Variants in BCORL1 observed in about 807,000 individuals in gnomAD.
BCORL1 encodes the protein BCL6 corepressor like 1.
Under a neutral mutation model 87.6 loss-of-function variants are expected in BCORL1, and 7 were observed. The ratio of observed to expected loss-of-function variants is 0.08; its 90% CI spans 0.05 to 0.15. The LOEUF is 0.15. BCORL1 is among the 10% of genes least tolerant of loss of function. The probability of loss-of-function intolerance (pLI) is 1.00; values close to 1 mark genes in which losing one functional copy is unlikely to be tolerated. For missense variants in BCORL1, 1,215 were observed against 1,499.7 expected, an observed-to-expected ratio of 0.81 and a Z score of 3.13; for synonymous variants, 591 against 634.4, an observed-to-expected ratio of 0.93 and a Z score of 1.03.
At chrX:130,017,926 T>A (rs1929559187) in intron 4 of BCORL1, among the ~76,000 whole-genome samples, 1 of 111,915 alleles carries the variant, frequency 8.9e-6, no homozygotes, top group Admixed American at 9.5e-5. Context: ...GTGAGCCACC[T>A]CACCTGGCCA....
chrX:130,053,424 G>A (rs984803533), intron 13 of BCORL1, among the ~76,000 whole-genome samples: 1 of 111,255 alleles, frequency 9.0e-6, no homozygotes, highest in African/African-American at 3.3e-5. Flanking sequence ...AGGACAGGGC[G>A]GGGCCTCTGG....
Position 130,025,158 on chromosome X carries a change from C to T in BCORL1, c.3857C>T (p.Ser1286Phe), listed in dbSNP as rs1448926208. Residue 1286 changes from serine to phenylalanine, a missense_variant, in exon 7 of 14, where the codon TCT (serine) becomes TTT (phenylalanine). Coordinates refer to ENST00000540052, the MANE Select transcript of BCORL1 (RefSeq NM_001379451.1). Reference protein sequence around the residue: ...QYRSHHAQDKSLLSQGRRHLW... With the variant: ...QYRSHHAQDKFLLSQGRRHLW... ...CGCAGCCACCATGCCCAGGACAAGTCTCTGCTGAGCCAGGGCCGAAGGCAC... is the reference window on the plus strand; with the variant it reads ...CGCAGCCACCATGCCCAGGACAAGTTTCTGCTGAGCCAGGGCCGAAGGCAC... 1 of 1,210,302 alleles carries T rather than the reference C, an allele frequency of 8.3e-7. No individual in the cohort carries two copies. Among genetic ancestry groups the T allele is most frequent in the Non-Finnish European group, 1.1e-6 (1 of 895,288 alleles).
chrX:129,999,218 AAAAATCTAGTG>A (rs1372202231), intron 1 of BCORL1, among the ~76,000 whole-genome samples: 1 of 107,787 alleles, frequency 9.3e-6, no homozygotes, highest in Non-Finnish European at 1.9e-5. Flanking sequence ...CCTGAGAGTG[AAAAATCTAGTG>A]TCACTAATAC....
upstream of BCORL1, chrX:129,982,479 G>C (rs1478320704): frequency 1.0e-5 from 1 of 99,113 alleles, no homozygotes; most frequent in African/African-American, 3.7e-5. Flanking sequence ...CCCCACCCGC[G>C]TAGGCCGCAT....
chrX:130,055,761 T>C, intron 13 of BCORL1, 93 bp from the exon 14 acceptor site: 7 of 949,667 alleles, frequency 7.4e-6, no homozygotes, highest in Non-Finnish European at 1.0e-5. Flanking sequence ...TTGATGGTCG[T>C]GCAGCCTTTG....
chrX:129,998,881 G>A (rs1017825610), intron 1 of BCORL1, among the ~76,000 whole-genome samples: 3 of 111,274 alleles, frequency 2.7e-5, no homozygotes, highest in African/African-American at 9.8e-5. Context: ...GATAGGAAGT[G>A]GCGCTCCTGG....
chrX:130,038,290 T>C (rs915391392), intron 10 of BCORL1, among the ~76,000 whole-genome samples: 19 of 111,629 alleles, frequency 1.7e-4, no homozygotes, highest in African/African-American at 5.5e-4. Context: ...CTTAGAGAAA[T>C]TGTACCCATT....
Position 130,015,587 on chromosome X carries a change from C to G in BCORL1, c.2815C>G (p.Pro939Ala). 2 of 1,212,207 alleles carry G rather than the reference C, an allele frequency of 1.6e-6. No homozygotes were observed. The highest frequency in any genetic ancestry group is 2.2e-6 in the Non-Finnish European group (2 of 895,608). The change falls in exon 4 of 14, where the codon CCT (proline) becomes GCT (alanine). Residue 939 changes from proline (P) to alanine (A), a missense_variant. Pro to Ala is a conservative substitution (Grantham distance 27). This residue lies in a region of BCORL1 where 861 missense variants were observed against 1,010.0 expected (regional missense o/e 0.85). Transcript: ENST00000540052. ...TGGGACCCTGGCACTGTCTGTTCAG[C>G]CTAGCGGTGGGGACATTCGAATGAA... ...QTGTLALSVQ[P>A]SGGDIRMNQG... is the part of the protein sequence containing the mutation.
intron 2 of BCORL1, among the ~76,000 whole-genome samples, chrX:130,009,742 A>G (rs1356672419): frequency 9.0e-6 from 1 of 110,799 alleles, no homozygotes; most frequent in Non-Finnish European, 1.9e-5. Flanking sequence ...AAAGCCTTGA[A>G]CATAACAGCT....
chrX:130,019,773 A>G (rs1373811934), intron 4 of BCORL1, among the ~76,000 whole-genome samples: 1 of 112,286 alleles, frequency 8.9e-6, no homozygotes, highest in Non-Finnish European at 1.9e-5. Context: ...GGGGAAAAAC[A>G]GCTCAAGCAA....
intron 6 of BCORL1, 63 bp from the exon 7 acceptor site, chrX:130,024,927 T>G (rs902527318): frequency 1.7e-6 from 2 of 1,168,727 alleles, no homozygotes; most frequent in African/African-American, 3.5e-5. Flanking sequence ...GGGCATTCAC[T>G]TCGACACCAT....
intron 1 of BCORL1, among the ~76,000 whole-genome samples, chrX:129,999,680 T>A (rs5975162): frequency 1.1e-5 from 1 of 88,487 alleles, no homozygotes; most frequent in South Asian, 4.5e-4. Flanking sequence ...CCTCTAATTC[T>A]TTTTCCCCCC....
intron 6 of BCORL1, among the ~76,000 whole-genome samples, chrX:130,024,077 G>T (rs998858163): frequency 1.8e-5 from 2 of 112,382 alleles, no homozygotes; most frequent in Non-Finnish European, 3.8e-5. Context: ...CGAGGAGGAA[G>T]GTGTCAAATC....
At chrX:130,030,978 C>T (rs1412305401) in intron 8 of BCORL1, among the ~76,000 whole-genome samples, 2 of 112,631 alleles carry the variant, frequency 1.8e-5, no homozygotes, top group South Asian at 3.6e-4. Context: ...GGGCGGGGAA[C>T]GCTCCTGCAA....
chrX:129,991,618 A>G (rs1191358743), intron 1 of BCORL1, among the ~76,000 whole-genome samples: 1 of 104,490 alleles, frequency 9.6e-6, no homozygotes, highest in Non-Finnish European at 1.9e-5. Flanking sequence ...CTGGGATTAC[A>G]GGTGTGAGCC....
intron 3 of BCORL1, 123 bp from the exon 4 acceptor site, chrX:130,012,827 G>T: frequency 9.2e-7 from 1 of 1,082,652 alleles, no homozygotes; most frequent in Non-Finnish European, 1.2e-6. Flanking sequence ...GCTGCCCTCT[G>T]CGTCTTCCGA....
chrX:130,049,492 G>T (rs978195383), intron 11 of BCORL1, among the ~76,000 whole-genome samples: 1 of 112,063 alleles, frequency 8.9e-6, no homozygotes, highest in Non-Finnish European at 1.9e-5. Context: ...GAGTAGCTGG[G>T]ACTACAGGCG....
chrX:130,004,535 G>A (rs933275605), intron 1 of BCORL1, among the ~76,000 whole-genome samples: 2 of 111,791 alleles, frequency 1.8e-5, no homozygotes, highest in East Asian at 2.8e-4. Flanking sequence ...GTGAGCCACC[G>A]CGCCCTGCCG....
At chrX:130,029,649 T>TTC (rs752429247) in intron 8 of BCORL1, among the ~76,000 whole-genome samples, 14 of 105,696 alleles carry the variant, frequency 1.3e-4, no homozygotes, top group Admixed American at 4.1e-4. Flanking sequence ...ATTTTTTTTT[T>TTC]TCTCTCTCTC....
Sources: gnomAD v4.1 joint callset for allele counts (sites outside exome capture counted in the v4.1 genomes callset) on GRCh38, gnomAD v4.1.1 for gene constraint, gnomAD v4.1.1 regional missense constraint, MANE v1.5 for transcripts, NCBI Gene and HGNC (gene_info 2026-07-23, HGNC 2026-07-21) for gene names.